MARCHF7: variants seen among roughly 807,000 people sequenced by gnomAD.
The protein encoded by MARCHF7 is E3 ubiquitin-protein ligase MARCHF7.
MARCHF7 carries 20 observed loss-of-function variants against 76.5 expected under a neutral mutation model. The ratio of observed to expected loss-of-function variants is 0.26; its 90% CI spans 0.18 to 0.38. The LOEUF (loss-of-function observed/expected upper bound fraction) is 0.38. Ranked by LOEUF, MARCHF7 falls within the 10% of genes least tolerant of loss-of-function variation. The pLI is 1.00. For synonymous variants in MARCHF7, 295 were observed against 293.0 expected, an observed-to-expected ratio of 1.01 and a Z score of -0.07; for missense variants, 797 against 812.9, an observed-to-expected ratio of 0.98 and a Z score of 0.24.
intron 4 of MARCHF7, chr2:159,733,164 C>A: frequency 1.3e-6 from 1 of 761,884 alleles, no homozygotes; most frequent in Non-Finnish European, 1.6e-6. Flanking sequence ...TAATGTTATC[C>A]AAATATTAAA....
chr2:159,717,812 A>G (rs1462507922), intron 3 of MARCHF7, among the ~76,000 whole-genome samples: 3 of 152,238 alleles, frequency 2.0e-5, no homozygotes, highest in Non-Finnish European at 4.4e-5. Context: ...CACCCGAGAT[A>G]ACAGCAAAAT....
intron 4 of MARCHF7, among the ~76,000 whole-genome samples, chr2:159,740,818 AG>A (rs1704037910): frequency 1.3e-5 from 2 of 152,172 alleles, no homozygotes; most frequent in Non-Finnish European, 2.9e-5. Flanking sequence ...TTATTTTCAA[AG>A]TTTCTTTTCC....
intron 3 of MARCHF7, among the ~76,000 whole-genome samples, chr2:159,723,125 G>A (rs1701810585): frequency 6.6e-6 from 1 of 152,104 alleles, no homozygotes; most frequent in South Asian, 2.1e-4. Context: ...TCTGCTACTT[G>A]TTAAATTGTT....
intron 3 of MARCHF7, among the ~76,000 whole-genome samples, chr2:159,725,712 ATTG>A: frequency 6.6e-6 from 1 of 152,084 alleles, no homozygotes; most frequent in Admixed American, 6.6e-5. Context: ...TTTTGTTTTT[ATTG>A]TTGTTTACTT....
intron 3 of MARCHF7, among the ~76,000 whole-genome samples, chr2:159,725,036 T>C (rs1702012433): frequency 6.6e-6 from 1 of 152,204 alleles, no homozygotes; most frequent in Admixed American, 6.5e-5. Flanking sequence ...GGCTGCATAG[T>C]ATTCCATGGT....
chr2:159,769,649 T>TAC lies in MARCHF7; in HGVS notation c.*2308_*2309insCA. The TAC allele has an allele frequency of 6.6e-6, 1 of 151,806 alleles. No homozygotes were observed. Among genetic ancestry groups the TAC allele is most frequent in the East Asian group, 1.9e-4 (1 of 5,164 alleles). The allele number at this position is 151,806 out of a possible 1,614,324, so 9.4% of individuals were successfully genotyped here. A position where few individuals can be genotyped will look rare whatever the true frequency, so the allele number is the denominator to read the frequency against. ...CAGCACAGTGAGACTCCATCATATA[T>TAC]ATATATATAGCACTTCATTACCAGA... is the stretch of plus-strand genomic sequence containing the variant. On this transcript the variant is annotated 3_prime_UTR_variant, in exon 12 of 12. Transcript: ENST00000409175.
At chr2:159,714,490 A>G (rs1049423296) in intron 1 of MARCHF7, 67 bp from the exon 2 acceptor site, 2 of 152,218 alleles carry the variant, frequency 1.3e-5, no homozygotes, top group African/African-American at 4.8e-5. Flanking sequence ...GCCTGAACTA[A>G]GATGTGAAGG....
chr2:159,758,535 T>C (rs1265252694), intron 8 of MARCHF7, among the ~76,000 whole-genome samples: 2 of 152,258 alleles, frequency 1.3e-5, no homozygotes, highest in Non-Finnish European at 2.9e-5. Context: ...ACTTCTGGTC[T>C]ACTTTCTGTC....
chr2:159,731,962 G>T (rs951848545), intron 4 of MARCHF7, among the ~76,000 whole-genome samples: 10 of 151,572 alleles, frequency 6.6e-5, no homozygotes, highest in African/African-American at 2.4e-4. Context: ...AAATTAGCCG[G>T]GCGTGGTGGC....
intron 3 of MARCHF7, among the ~76,000 whole-genome samples, chr2:159,718,807 T>G (rs1436930346): frequency 6.6e-6 from 1 of 152,058 alleles, no homozygotes; most frequent in African/African-American, 2.4e-5. Context: ...CTACTAGAGA[T>G]AAGTTTGTGG....
chr2:159,715,711 A>G lies in MARCHF7; in HGVS notation c.-70A>G, dbSNP rs976070967. 6 of 152,168 alleles carry G rather than the reference A, an allele frequency of 3.9e-5. No individual in the cohort carries two copies. The highest frequency in any genetic ancestry group is 1.4e-4 in the African/African-American group (6 of 41,452). The allele number at this position is 152,168 out of a possible 1,614,324, so 9.4% of individuals were successfully genotyped here. A position where few individuals can be genotyped will look rare whatever the true frequency, so the allele number is the denominator to read the frequency against. ...TGCCCTGGCATGAACTTACATGGTCAGAGCTGGTTTTTCCTGCCCTCAAAT... is the reference window on the plus strand; with the variant it reads ...TGCCCTGGCATGAACTTACATGGTCGGAGCTGGTTTTTCCTGCCCTCAAAT... On this transcript the variant is annotated 5_prime_UTR_variant, in exon 3 of 12. Transcript: ENST00000409175.
At chr2:159,730,296 G>A (rs1702632813) in intron 4 of MARCHF7, among the ~76,000 whole-genome samples, 1 of 152,182 alleles carries the variant, frequency 6.6e-6, no homozygotes. Context: ...ATTTGCAAAA[G>A]TCTGATGTTG....
chr2:159,749,681 T>A (rs1705373792), intron 7 of MARCHF7, among the ~76,000 whole-genome samples: 1 of 152,056 alleles, frequency 6.6e-6, no homozygotes, highest in Non-Finnish European at 1.5e-5. Flanking sequence ...AGTAAGATGT[T>A]TCATTCATAG....
At chr2:159,719,051 C>T (rs948425388) in intron 3 of MARCHF7, among the ~76,000 whole-genome samples, 1 of 152,086 alleles carries the variant, frequency 6.6e-6, no homozygotes, top group Admixed American at 6.5e-5. Flanking sequence ...CTCCGCTCAC[C>T]ACAACCTTCA....
At chr2:159,719,088 A>G (rs990751347) in intron 3 of MARCHF7, among the ~76,000 whole-genome samples, 2 of 152,056 alleles carry the variant, frequency 1.3e-5, no homozygotes, top group African/African-American at 2.4e-5. Context: ...CAATTCTCCT[A>G]CCTCAGTTTC....
intron 4 of MARCHF7, among the ~76,000 whole-genome samples, chr2:159,734,437 T>C (rs1230108025): frequency 6.6e-6 from 1 of 151,980 alleles, no homozygotes; most frequent in East Asian, 1.9e-4. Flanking sequence ...AAGTGTAGTT[T>C]TCAAGGAAAT....
At chr2:159,722,252 C>T (rs1454074477) in intron 3 of MARCHF7, among the ~76,000 whole-genome samples, 1 of 152,158 alleles carries the variant, frequency 6.6e-6, no homozygotes, top group Admixed American at 6.5e-5. Flanking sequence ...ATTCTTGTGC[C>T]TCAGCCTCCT....
chr2:159,739,202 C>G (rs1042831656), intron 4 of MARCHF7, among the ~76,000 whole-genome samples: 1 of 152,190 alleles, frequency 6.6e-6, no homozygotes, highest in South Asian at 2.1e-4. Context: ...GGCTCCCACC[C>G]CACCAACTTG....
intron 10 of MARCHF7, among the ~76,000 whole-genome samples, chr2:159,763,975 A>G (rs1707410034): frequency 6.6e-6 from 1 of 152,158 alleles, no homozygotes; most frequent in African/African-American, 2.4e-5. Flanking sequence ...AAACCTTAAT[A>G]CCGTAAAATG....
Sources: allele counts gnomAD v4.1 joint callset (sites outside exome capture counted in the v4.1 genomes callset), GRCh38; gene constraint gnomAD v4.1.1; transcripts MANE v1.5; gene names NCBI Gene and HGNC (gene_info 2026-07-23, HGNC 2026-07-21).